Variants in EPHX2 observed in about 807,000 individuals in gnomAD.
EPHX2 encodes the protein bifunctional epoxide hydrolase 2.
A neutral mutation model predicts 78.7 loss-of-function variants in EPHX2; 74 were observed. The ratio of observed to expected loss-of-function variants is 0.94; its 90% CI spans 0.78 to 1.14. The LOEUF (loss-of-function observed/expected upper bound fraction) is 1.14. EPHX2 is among the 50% of genes most tolerant of loss of function. The pLI is 0.00. For missense variants in EPHX2, 715 were observed against 702.5 expected, an observed-to-expected ratio of 1.02 and a Z score of -0.20; for synonymous variants, 251 against 255.2, an observed-to-expected ratio of 0.98 and a Z score of 0.16.
At chr8:27,514,110 G>C (rs1049449212) in intron 6 of EPHX2, among the ~76,000 whole-genome samples, 3 of 152,168 alleles carry the variant, frequency 2.0e-5, no homozygotes, top group Non-Finnish European at 4.4e-5. Flanking sequence ...TTAATGCCAG[G>C]AGTTCGAGAC....
chr8:27,524,306 C>T (rs1183153227), intron 11 of EPHX2, among the ~76,000 whole-genome samples: 1 of 152,024 alleles, frequency 6.6e-6, no homozygotes, highest in Non-Finnish European at 1.5e-5. Flanking sequence ...GGCTGGATTC[C>T]CAGGTTCTGG....
Position 27,491,148 on chromosome 8 carries a change from G to A in EPHX2, c.-61G>A. On this transcript the variant is annotated 5_prime_UTR_variant, in exon 1 of 19. Coordinates refer to ENST00000521400, the MANE Select transcript of EPHX2 (RefSeq NM_001979.6). ...CCAAGCTGGGCGGGTCATGCGCCCT[G>A]GCCTTCGCGCATCTCCCAGGTTAGC... is the stretch of plus-strand genomic sequence containing the variant. The A allele has an allele frequency of 2.0e-6, 3 of 1,490,810 alleles. No homozygotes were observed. Among genetic ancestry groups the A allele is most frequent in the South Asian group, 2.5e-5 (2 of 81,210 alleles). 92.3% of individuals were successfully genotyped at this position (1,490,810 alleles called of 1,614,324 possible).
chr8:27,533,422 T>C (rs187592303), intron 12 of EPHX2, among the ~76,000 whole-genome samples: 474 of 152,344 alleles, frequency 3.1e-3, no homozygotes, highest in Middle Eastern at 0.017. Flanking sequence ...GATTTAAAGA[T>C]ATAGTCTTAT....
chr8:27,491,414 C>A (rs1167541666), intron 1 of EPHX2, 105 bp downstream of exon 1: 2 of 751,436 alleles, frequency 2.7e-6, no homozygotes, highest in Admixed American at 3.7e-5. Context: ...CGGAGCCCTG[C>A]GAATCATGCG....
At chr8:27,524,218 C>G (rs977059414) in intron 11 of EPHX2, among the ~76,000 whole-genome samples, 9 of 152,188 alleles carry the variant, frequency 5.9e-5, no homozygotes, top group Non-Finnish European at 8.8e-5. Flanking sequence ...CAGGCATGAG[C>G]CACTATGCTT....
chr8:27,528,921 G>A (rs62504298), intron 12 of EPHX2, among the ~76,000 whole-genome samples: 12,515 of 152,152 alleles, frequency 0.082, 534 homozygotes, highest in Non-Finnish European at 0.1. Flanking sequence ...TCAGCCTCCC[G>A]AGTAGCTGGG....
chr8:27,502,455 T>C (rs59773121), intron 2 of EPHX2, among the ~76,000 whole-genome samples: 7,175 of 152,274 alleles, frequency 0.047, 534 homozygotes, highest in African/African-American at 0.16. Flanking sequence ...TAGGGCTGTG[T>C]CTTACATAGC....
At chr8:27,536,072 A>G (rs1041427834) in intron 12 of EPHX2, among the ~76,000 whole-genome samples, 1 of 152,194 alleles carries the variant, frequency 6.6e-6, no homozygotes, top group Non-Finnish European at 1.5e-5. Flanking sequence ...CGACTGGGTA[A>G]TTAAATGCCA....
chr8:27,544,283 G>A (rs1206105764), intron 18 of EPHX2, 39 bp downstream of exon 18: 16 of 1,610,688 alleles, frequency 9.9e-6, no homozygotes, highest in Non-Finnish European at 1.2e-5. Context: ...GGGAGAGCAG[G>A]GCCCCCCGTT....
At chr8:27,511,109 A>C (rs1404231744) in intron 5 of EPHX2, among the ~76,000 whole-genome samples, 1 of 152,220 alleles carries the variant, frequency 6.6e-6, no homozygotes, top group Non-Finnish European at 1.5e-5. Flanking sequence ...TTGACTTTGG[A>C]CTTCCAGCCT....
In EPHX2 at chr8:27,502,608, G is replaced by A. The variant is rs1032508916; in HGVS notation, c.187-996G>A. 1.4e-4 allele frequency among the ~76,000 whole-genome samples: 21 copies of A among 152,258 alleles called. 1 individual carries two copies. The highest frequency in any genetic ancestry group is 5.1e-4 in the African/African-American group (21 of 41,548). The stretch of plus-strand genomic sequence containing the variant: ...GTGTCTGGTGAGGGCTCTCTTCTTG[G>A]TTTGCAGATGGCCACCTTCTTGCTG... On this transcript the variant is annotated intron_variant, in intron 2 of 18. Transcript: ENST00000521400.
chr8:27,547,359 C>T (rs1329967468), downstream of EPHX2, among the ~76,000 whole-genome samples: 1 of 152,092 alleles, frequency 6.6e-6, no homozygotes, highest in African/African-American at 2.4e-5. Context: ...TTTCAGATGC[C>T]ATTTTAAGTA....
Position 27,544,652 on chromosome 8 carries a change from A to G in EPHX2, c.*130A>G. The stretch of plus-strand genomic sequence containing the variant: ...AGCATTGTTCTGAAGGGGTTTGCAG[A>G]AAAAAAAGATTTTCTTTACATAAAG... On this transcript the variant is annotated 3_prime_UTR_variant, in exon 19 of 19. Coordinates refer to ENST00000521400, the MANE Select transcript of EPHX2 (RefSeq NM_001979.6). 1 of 892,246 alleles carries G rather than the reference A, an allele frequency of 1.1e-6. No homozygotes were observed. Among genetic ancestry groups the G allele is most frequent in the South Asian group, 1.5e-5 (1 of 65,370 alleles). 55.3% of individuals were successfully genotyped at this position (892,246 alleles called of 1,614,324 possible).
chr8:27,547,795 G>A (rs929829591), downstream of EPHX2, among the ~76,000 whole-genome samples: 2 of 152,068 alleles, frequency 1.3e-5, no homozygotes, highest in Non-Finnish European at 2.9e-5. Context: ...ATGTGAGTGA[G>A]AACATGTGGT....
Position 27,514,703 on chromosome 8 carries a change from A to G in EPHX2, c.736-1015A>G, listed in dbSNP as rs551219464. 2.6e-5 allele frequency among the ~76,000 whole-genome samples: 4 copies of G among 152,190 alleles called. No homozygotes were observed. In the South Asian group the frequency reaches 6.2e-4, roughly 24 times the overall value. ...CATGTCATTCAGGCAGAGATAGGCA[A>G]AGGGAGGGAGGCCACGCACAGGAGG... is the stretch of plus-strand genomic sequence containing the variant. On this transcript the variant is annotated intron_variant, in intron 6 of 18. Coordinates refer to ENST00000521400, the MANE Select transcript of EPHX2 (RefSeq NM_001979.6).
intron 12 of EPHX2, among the ~76,000 whole-genome samples, chr8:27,535,607 A>T (rs1427944094): frequency 6.6e-6 from 1 of 152,166 alleles, no homozygotes; most frequent in Non-Finnish European, 1.5e-5. Flanking sequence ...AGCTTGAATT[A>T]AAATTGTCCT....
intron 12 of EPHX2, among the ~76,000 whole-genome samples, chr8:27,535,198 CAG>C (rs1472129964): frequency 1.3e-5 from 2 of 151,892 alleles, no homozygotes; most frequent in African/African-American, 2.4e-5. Flanking sequence ...TATTTTGAGA[CAG>C]AGTTTCGCTC....
chr8:27,509,276 A>G (rs1814143061), intron 5 of EPHX2, among the ~76,000 whole-genome samples: 1 of 152,146 alleles, frequency 6.6e-6, no homozygotes, highest in African/African-American at 2.4e-5. Flanking sequence ...CCACTGAGCT[A>G]TCCAAGGACG....
chr8:27,546,882 G>T (rs568168354), downstream of EPHX2, among the ~76,000 whole-genome samples: 3 of 152,174 alleles, frequency 2.0e-5, no homozygotes, highest in African/African-American at 7.2e-5. Context: ...ATTGGCTCAC[G>T]GTTCTGCAGG....
Sources: allele counts gnomAD v4.1 joint callset (sites outside exome capture counted in the v4.1 genomes callset), GRCh38; gene constraint gnomAD v4.1.1; transcripts MANE v1.5; gene names NCBI Gene and HGNC (gene_info 2026-07-23, HGNC 2026-07-21).